Variants in CPT1A observed in about 807,000 individuals in gnomAD.
CPT1A encodes carnitine O-palmitoyltransferase 1, liver isoform.
CPT1A carries 64 observed loss-of-function variants against 100.8 expected under a neutral mutation model. The ratio of observed to expected loss-of-function variants is 0.63; its 90% confidence interval spans 0.52 to 0.78. The LOEUF (loss-of-function observed/expected upper bound fraction) is 0.78, where lower values mean the gene tolerates loss of function less well. Ranked by LOEUF, CPT1A falls within the 30% of genes least tolerant of loss-of-function variation. CPT1A has a pLI of 0.00. For missense variants in CPT1A, 802 were observed against 1,034.1 expected, an observed-to-expected ratio of 0.78 and a Z score of 3.08; for synonymous variants, 363 against 396.0, an observed-to-expected ratio of 0.92 and a Z score of 0.99.
chr11:68,787,498 A>G (rs1481889350), intron 9 of CPT1A, among the ~76,000 whole-genome samples: 2 of 151,708 alleles, frequency 1.3e-5, no homozygotes, highest in Non-Finnish European at 2.9e-5. Flanking sequence ...ATGTTCCTAT[A>G]CCCCAGGGCA....
rs148206888 is a variant in CPT1A, at chr11:68,807,874, C to T, written c.282-236G>A. 8.6e-3 allele frequency among the ~76,000 whole-genome samples: 1,305 copies of T among 152,368 alleles called. 18 individuals carry two copies. The highest frequency in any genetic ancestry group is 6.9e-3 in the Non-Finnish European group (470 of 68,032). ...AAAGTAGCTGGCAGACCCAGGCGCC[C>T]GGGGCGGGCCTGTTTGCTCTCTTCC... is the stretch of plus-strand genomic sequence containing the variant. On this transcript the variant is annotated intron_variant, in intron 3 of 18. Transcript: ENST00000265641.
intron 1 of CPT1A, among the ~76,000 whole-genome samples, chr11:68,825,518 A>G (rs754579922): frequency 6.6e-6 from 1 of 152,138 alleles, no homozygotes; most frequent in Non-Finnish European, 1.5e-5. Flanking sequence ...GGCCATGCCC[A>G]AGCCCCCTTA....
chr11:68,805,976 C>A (rs1237957081), intron 4 of CPT1A, among the ~76,000 whole-genome samples: 1 of 152,054 alleles, frequency 6.6e-6, no homozygotes, highest in Non-Finnish European at 1.5e-5. Flanking sequence ...AGAGACGATG[C>A]CCATCTTGGA....
Position 68,760,330 on chromosome 11 carries a change from A to G in CPT1A, c.2037T>C (p.Ser679=), listed in dbSNP as rs1428078221. Residue 679 remains serine (S), a synonymous_variant, in exon 17 of 19, where the codon TCT becomes TCC. Coordinates refer to ENST00000265641, the MANE Select transcript of CPT1A (RefSeq NM_001876.4). ...VESPFLKEVL[S]EPWRLSTSQT... is the part of the protein sequence containing the mutation. ...GGCTTGTTGATAATCTCCAAGGCTC[A>G]GATAAAACCTATTGAGTGAAACAGG... is the stretch of plus-strand genomic sequence containing the variant. 1 of 1,610,408 alleles carries G rather than the reference A, an allele frequency of 6.2e-7. No homozygotes were observed. The highest frequency in any genetic ancestry group is 8.5e-7 in the Non-Finnish European group (1 of 1,178,202).
intron 1 of CPT1A, among the ~76,000 whole-genome samples, chr11:68,835,844 G>C (rs145179499): frequency 6.6e-6 from 1 of 152,332 alleles, no homozygotes; most frequent in East Asian, 1.9e-4. Flanking sequence ...CTGTGACCTT[G>C]AGCAAGTATT....
At chr11:68,833,319 C>T (rs376545623) in intron 1 of CPT1A, among the ~76,000 whole-genome samples, 1 of 152,364 alleles carries the variant, frequency 6.6e-6, no homozygotes, top group East Asian at 1.9e-4. Flanking sequence ...GGAAGAAAAG[C>T]AGCAGCTCCT....
At chr11:68,835,285 A>C (rs35786597) in intron 1 of CPT1A, among the ~76,000 whole-genome samples, 2 of 152,058 alleles carry the variant, frequency 1.3e-5, no homozygotes, top group Non-Finnish European at 2.9e-5. Context: ...GACTGCAAGG[A>C]GGAGACCTGC....
rs565786866 is a variant in CPT1A, at chr11:68,811,948, C to T, written c.281+489G>A. Among the ~76,000 whole-genome samples the T allele has an allele frequency of 1.1e-4, 16 of 151,980 alleles. No homozygotes were observed. The South Asian group carries it at 2.3e-3, about 22-fold the overall frequency. ...TCCAAAACCCTAGAGGTAGGAGGGA[C>T]GGGGGGGTCCCTGGAGATTTCTAAA... On this transcript the variant is annotated intron_variant, in intron 3 of 18. Transcript: ENST00000265641.
chr11:68,768,045 A>G (rs1300701898), intron 14 of CPT1A, among the ~76,000 whole-genome samples: 1 of 146,760 alleles, frequency 6.8e-6, no homozygotes, highest in Non-Finnish European at 1.5e-5. Flanking sequence ...GACCTGTCTC[A>G]GACACTTTCT....
intron 4 of CPT1A, among the ~76,000 whole-genome samples, chr11:68,804,760 A>G (rs2154000607): frequency 6.6e-6 from 1 of 152,316 alleles, no homozygotes; most frequent in East Asian, 1.9e-4. Flanking sequence ...TAGTTTCGGG[A>G]TGGGCTCCAG....
In CPT1A at chr11:68,757,489, G is replaced by A; in HGVS notation, c.*155C>T. 1.3e-6 allele frequency: 2 copies of A among 1,516,532 alleles called. No individual in the cohort carries two copies. Among genetic ancestry groups the A allele is most frequent in the Non-Finnish European group, 1.8e-6 (2 of 1,136,416 alleles). The allele number at this position is 1,516,532 out of a possible 1,614,324, so 93.9% of individuals were successfully genotyped here. A position where few individuals can be genotyped will look rare whatever the true frequency, so the allele number is the denominator to read the frequency against. ...TTATGCTTCACAGGGGAGAGATACTGTTCTAGGAAAAAAAAACACCCACAT... is the reference window on the plus strand; with the variant it reads ...TTATGCTTCACAGGGGAGAGATACTATTCTAGGAAAAAAAAACACCCACAT... On this transcript the variant is annotated 3_prime_UTR_variant, in exon 19 of 19. Coordinates refer to ENST00000265641, the MANE Select transcript of CPT1A (RefSeq NM_001876.4).
chr11:68,814,364 T>C (rs1856317833), intron 2 of CPT1A, among the ~76,000 whole-genome samples: 2 of 152,226 alleles, frequency 1.3e-5, no homozygotes, highest in Middle Eastern at 3.4e-3. Context: ...TGGAGTGCAG[T>C]GGCGCGATCT....
At chr11:68,796,364 C>A (rs1855755194) in intron 7 of CPT1A, among the ~76,000 whole-genome samples, 1 of 152,080 alleles carries the variant, frequency 6.6e-6, no homozygotes, top group Non-Finnish European at 1.5e-5. Flanking sequence ...CGAGACCAGC[C>A]TGGATAACAT....
In CPT1A at chr11:68,815,492, AAGG is replaced by A. The variant is rs1236935338; in HGVS notation, c.-13-8_-13-6del. The A allele has an allele frequency of 1.2e-6, 2 of 1,613,646 alleles. No homozygotes were observed. The highest frequency in any genetic ancestry group is 2.7e-5 in the African/African-American group (2 of 74,912). ...TCTGCCATCTTCAGAGAGTACCTGG[AAGG>A]AGAAGGAGAAAATGTAACACAGTGG... On this transcript the variant is annotated splice_region_variant and splice_polypyrimidine_tract_variant and intron_variant, in intron 1 of 18. Transcript: ENST00000265641.
intron 14 of CPT1A, among the ~76,000 whole-genome samples, chr11:68,767,344 C>T (rs923688876): frequency 1.1e-4 from 17 of 152,108 alleles, no homozygotes. Context: ...ACCTGTAATC[C>T]CAGCACTTTG....
At chr11:68,765,706 C>T (rs1015336934) in intron 14 of CPT1A, among the ~76,000 whole-genome samples, 1 of 152,132 alleles carries the variant, frequency 6.6e-6, no homozygotes, top group Non-Finnish European at 1.5e-5. Flanking sequence ...CTGATGCTCC[C>T]GGCACAGGCA....
chr11:68,780,876 T>A, intron 11 of CPT1A, 131 bp from the exon 12 acceptor site: 1 of 722,428 alleles, frequency 1.4e-6, no homozygotes, highest in East Asian at 2.7e-5. Flanking sequence ...GAGCAGACAC[T>A]CAGTCTCTGT....
At chr11:68,779,456 C>T (rs1010890019) in intron 12 of CPT1A, among the ~76,000 whole-genome samples, 9 of 133,164 alleles carry the variant, frequency 6.8e-5, no homozygotes, top group Admixed American at 1.8e-4. Flanking sequence ...ATGCCAAACA[C>T]GGAACAGGTC....
chr11:68,786,145 T>G, intron 9 of CPT1A: 1 of 688,782 alleles, frequency 1.5e-6, no homozygotes, highest in Non-Finnish European at 2.6e-6. Context: ...GAGGATTGCT[T>G]GAGCCCAGGA....
Sources: gnomAD v4.1 joint callset for allele counts (sites outside exome capture counted in the v4.1 genomes callset) on GRCh38, gnomAD v4.1.1 for gene constraint, MANE v1.5 for transcripts, NCBI Gene and HGNC (gene_info 2026-07-23, HGNC 2026-07-21) for gene names.